The following PRSS21 variants were observed in gnomAD, a reference collection of about 807,000 sequenced individuals.
PRSS21 encodes the protein testisin.
Under a neutral mutation model 31.1 loss-of-function variants are expected in PRSS21, and 40 were observed. The observed-to-expected ratio is 1.29, with a 90% CI of 1.00 to 1.68. The LOEUF is 1.68. Among genes scored for constraint, PRSS21 ranks in the 40% most tolerant of loss-of-function variants. The probability of loss-of-function intolerance (pLI) is 0.00; values close to 1 mark genes in which losing one functional copy is unlikely to be tolerated. For synonymous variants in PRSS21, 186 were observed against 167.7 expected, an observed-to-expected ratio of 1.11 and a Z score of -0.84; for missense variants, 467 against 412.6, an observed-to-expected ratio of 1.13 and a Z score of -1.14.
Position 2,817,936 on chromosome 16 carries a change from G to A in PRSS21, c.227G>A (p.Trp76Ter). The change falls in exon 3 of 6, where the codon TGG (tryptophan) becomes TAG (stop). Residue 76 changes from tryptophan (W) to a stop codon, truncating the protein, a stop_gained. Coordinates refer to ENST00000005995, the MANE Select transcript of PRSS21 (RefSeq NM_006799.4). LOFTEE classifies it high-confidence loss of function. The surrounding 1 kb of genome is among the most constrained non-coding windows in gnomAD (Gnocchi z 4.2). ...GGAGTGAGCCTGCTCAGCCACCGCT[G>A]GGCACTCACGGCGGCGCACTGCTTT... is the stretch of plus-strand genomic sequence containing the variant. ...VCGVSLLSHR[W>*]ALTAAHCFET... 1 of 1,549,466 alleles carries A rather than the reference G, an allele frequency of 6.5e-7. No individual in the cohort carries two copies. The highest frequency in any genetic ancestry group is 8.7e-7 in the Non-Finnish European group (1 of 1,146,856).
At position 2,817,290 on chromosome 16, in the gene PRSS21, C is replaced by G; in HGVS notation, c.22C>G (p.Leu8Val). MGARGAL[L>V]LALLLARAGL... ...GGCCATGGGCGCGCGCGGGGCGCTGCTGCTGGCGCTGCTGCTGGCTCGGGC... is the reference window on the plus strand; with the variant it reads ...GGCCATGGGCGCGCGCGGGGCGCTGGTGCTGGCGCTGCTGCTGGCTCGGGC... Residue 8 changes from leucine (L) to valine (V), a missense_variant, in exon 1 of 6, where the codon CTG becomes GTG. Leu to Val is a conservative substitution (Grantham distance 32, BLOSUM62 1). Transcript: ENST00000005995. The surrounding 1 kb of genome is among the most constrained non-coding windows in gnomAD (Gnocchi z 4.2). The G allele has an allele frequency of 3.3e-6, 5 of 1,537,688 alleles. No individual in the cohort carries two copies. In the Admixed American group the frequency reaches 5.9e-5, roughly 18 times the overall value.
chr16:2,819,033 C>A, intron 4 of PRSS21, 64 bp downstream of exon 4: 1 of 1,560,598 alleles, frequency 6.4e-7, no homozygotes, highest in Non-Finnish European at 8.7e-7. Context: ...CCTGCATAGG[C>A]ACAATAGCCC....
Position 2,817,756 on chromosome 16 carries a change from G to C in PRSS21, c.92-45G>C, listed in dbSNP as rs766825069. ...GGGGAGAAAGGGAGAGGTCGGGCTTGGGGGGCTGCCTCCCGCGGCTCAGCA... is the reference window on the plus strand; with the variant it reads ...GGGGAGAAAGGGAGAGGTCGGGCTTCGGGGGCTGCCTCCCGCGGCTCAGCA... On this transcript the variant is annotated intron_variant, in intron 2 of 5. Coordinates refer to ENST00000005995, the MANE Select transcript of PRSS21 (RefSeq NM_006799.4). The surrounding 1 kb of genome is among the most constrained non-coding windows in gnomAD (Gnocchi z 4.2). 4 of 1,537,120 alleles carry C rather than the reference G, an allele frequency of 2.6e-6. No homozygotes were observed. The highest frequency in any genetic ancestry group is 2.5e-5 in the East Asian group (1 of 40,696).
intron 3 of PRSS21, among the ~76,000 whole-genome samples, chr16:2,818,391 C>G (rs2074908): frequency 0.045 from 6,819 of 152,198 alleles, 369 homozygotes; most frequent in African/African-American, 0.12. Flanking sequence ...TGGTGCATCT[C>G]CCCATTCCTC....
In PRSS21 at chr16:2,817,282, GGGCGCTGCTGCT is replaced by G. The variant is rs758576881; in HGVS notation, c.30_41del (p.Leu11_Ala14del). Reference sequence around the variant, plus strand: ...GGAGAGGAGGCCATGGGCGCGCGCGGGGCGCTGCTGCTGGCGCTGCTGCTGGCTCGGGCTGGA... The same window carrying G: ...GGAGAGGAGGCCATGGGCGCGCGCGGGGCGCTGCTGCTGGCTCGGGCTGGA... On this transcript the variant is annotated inframe_deletion, in exon 1 of 6. Transcript: ENST00000005995. The surrounding 1 kb of genome is among the most constrained non-coding windows in gnomAD (Gnocchi z 4.2). The G allele has an allele frequency of 3.4e-4, 528 of 1,536,654 alleles. 3 individuals carry two copies. Among genetic ancestry groups the G allele is most frequent in the South Asian group, 3.0e-3 (253 of 84,448 alleles).
In PRSS21 at chr16:2,818,822, C is replaced by A. The variant is rs2069124142; in HGVS notation, c.403C>A (p.Pro135Thr). 5.6e-6 allele frequency: 9 copies of A among 1,613,752 alleles called. No homozygotes were observed. Among genetic ancestry groups the A allele is most frequent in the Non-Finnish European group, 7.6e-6 (9 of 1,179,736 alleles). Residue 135 changes from proline to threonine, a missense_variant, in exon 4 of 6, where the codon CCC becomes ACC. Pro to Thr is a conservative substitution (Grantham distance 38, BLOSUM62 -1). Coordinates refer to ENST00000005995, the MANE Select transcript of PRSS21 (RefSeq NM_006799.4). ...GAGCCCTCGCTACCTGGGGAATTCA[C>A]CCTATGACATTGCCTTGGTGAAGCT... ...YLSPRYLGNS[P>T]YDIALVKLSA...
In PRSS21 at chr16:2,818,855, C is replaced by T. The variant is rs760374335; in HGVS notation, c.436C>T (p.Pro146Ser). ...YDIALVKLSA[P>S]VTYTKHIQPI... ...CATTGCCTTGGTGAAGCTGTCTGCA[C>T]CTGTCACCTACACTAAACACATCCA... The change falls in exon 4 of 6, where the codon CCT becomes TCT. Residue 146 changes from proline to serine, a missense_variant. By Grantham distance (74) the Pro-to-Ser change is moderately conservative. Coordinates refer to ENST00000005995, the MANE Select transcript of PRSS21 (RefSeq NM_006799.4). 7.4e-6 allele frequency: 12 copies of T among 1,613,890 alleles called. No homozygotes were observed. The highest frequency in any genetic ancestry group is 4.0e-5 in the African/African-American group (3 of 74,912).
chr16:2,821,370 A>G lies in PRSS21; in HGVS notation c.710A>G (p.Asp237Gly), dbSNP rs781375011. Residue 237 changes from aspartate (D) to glycine (G), a missense_variant, in exon 6 of 6, where the codon GAC becomes GGC. Asp to Gly is a moderately conservative substitution (Grantham distance 94). Transcript: ENST00000005995. The part of the protein sequence containing the change: ...AQGGKDACFG[D>G]SGGPLACNKN... ...CTCAGCCCCGCTGCTCCCCAGGGTG[A>G]CTCAGGTGGACCCTTGGCCTGTAAC... 2 of 1,614,038 alleles carry G rather than the reference A, an allele frequency of 1.2e-6. No homozygotes were observed. Among genetic ancestry groups the G allele is most frequent in the Non-Finnish European group, 1.7e-6 (2 of 1,179,974 alleles).
intron 4 of PRSS21, among the ~76,000 whole-genome samples, chr16:2,819,431 C>T (rs367644627): frequency 7.2e-5 from 11 of 152,310 alleles, no homozygotes; most frequent in East Asian, 5.8e-4. Flanking sequence ...GCAGCTCCCA[C>T]GGAAACCCCT....
At position 2,817,713 on chromosome 16, in the gene PRSS21, T is replaced by C; in HGVS notation, c.92-88T>C. The stretch of plus-strand genomic sequence containing the variant: ...GACCCTGGGTGGGCAAAAACGTGCT[T>C]TCCCGGACGGGGTTGAAGGGGAGAA... On this transcript the variant is annotated intron_variant, in intron 2 of 5. Transcript: ENST00000005995. The surrounding 1 kb of genome is among the most constrained non-coding windows in gnomAD (Gnocchi z 4.2). 6.7e-7 allele frequency: 1 copy of C among 1,485,694 alleles called. No homozygotes were observed. Among genetic ancestry groups the C allele is most frequent in the Non-Finnish European group, 9.0e-7 (1 of 1,111,038 alleles). The allele number at this position is 1,485,694 out of a possible 1,614,324, so 92.0% of individuals were successfully genotyped here. A position where few individuals can be genotyped will look rare whatever the true frequency, so the allele number is the denominator to read the frequency against.
chr16:2,820,289 C>G (rs141417449), intron 4 of PRSS21, among the ~76,000 whole-genome samples: 1 of 152,226 alleles, frequency 6.6e-6, no homozygotes, highest in Non-Finnish European at 1.5e-5. Flanking sequence ...GCCCCGCTGA[C>G]GGGAAGCGCT....
Position 2,817,484 on chromosome 16 carries a change from GC to G in PRSS21, c.91+30del. 1 of 1,537,448 alleles carries G rather than the reference GC, an allele frequency of 6.5e-7. No homozygotes were observed. The highest frequency in any genetic ancestry group is 1.1e-5 in the South Asian group (1 of 87,166). ...AGGGCGCCCAGGACGCGCGATTCCT[GC>G]CAGGGCCGTTGGGCCGAGGTGGACG... On this transcript the variant is annotated intron_variant, in intron 2 of 5. Transcript: ENST00000005995. The surrounding 1 kb of genome is among the most constrained non-coding windows in gnomAD (Gnocchi z 4.2).
At chr16:2,818,998 G>A in intron 4 of PRSS21, 29 bp downstream of exon 4, 1 of 1,608,600 alleles carries the variant, frequency 6.2e-7, no homozygotes, top group Non-Finnish European at 8.5e-7. Context: ...GGGTCAGGGA[G>A]GAACTGTCTT....
In PRSS21 at chr16:2,817,287, C is replaced by G. The variant is rs749102296; in HGVS notation, c.19C>G (p.Leu7Val). Reference sequence around the variant, plus strand: ...GGAGGCCATGGGCGCGCGCGGGGCGCTGCTGCTGGCGCTGCTGCTGGCTCG... The same window carrying G: ...GGAGGCCATGGGCGCGCGCGGGGCGGTGCTGCTGGCGCTGCTGCTGGCTCG... MGARGA[L>V]LLALLLARAG... Residue 7 changes from leucine to valine, a missense_variant, in exon 1 of 6, where the codon CTG becomes GTG. Physicochemically the swap from Leu to Val is conservative, Grantham distance 32. Transcript: ENST00000005995. This position sits in a 1 kb window ranked among gnomAD's most constrained non-coding sequence, Gnocchi z 4.2. 2.0e-6 allele frequency: 3 copies of G among 1,534,182 alleles called. No individual in the cohort carries two copies. Among genetic ancestry groups the G allele is most frequent in the South Asian group, 2.4e-5 (2 of 84,178 alleles).
chr16:2,817,808 C>A lies in PRSS21; in HGVS notation c.99C>A (p.Cys33Ter), dbSNP rs1212714453. ...TTCCTCTGACCATCCGAGGACCATG[C>A]GGCCGACGGGTCATCACGTCGCGCA... Reference protein sequence around the residue: ...SQEAAPLSGPCGRRVITSRIV... With the variant: ...SQEAAPLSGP The change falls in exon 3 of 6, where the codon TGC becomes TGA. Residue 33 changes from cysteine to a stop codon, truncating the protein, a stop_gained. Transcript: ENST00000005995. LOFTEE classifies it high-confidence loss of function. The surrounding 1 kb of genome is among the most constrained non-coding windows in gnomAD (Gnocchi z 4.2). 9 of 1,549,558 alleles carry A rather than the reference C, an allele frequency of 5.8e-6. No homozygotes were observed. The highest frequency in any genetic ancestry group is 4.9e-5 in the East Asian group (2 of 40,962).
chr16:2,817,811 C>G lies in PRSS21; in HGVS notation c.102C>G (p.Gly34=). ...QEAAPLSGPC[G]RRVITSRIVG... is the part of the protein sequence containing the mutation. ...CTCTGACCATCCGAGGACCATGCGG[C>G]CGACGGGTCATCACGTCGCGCATCG... The change falls in exon 3 of 6, where the codon GGC becomes GGG. Residue 34 remains glycine, a synonymous_variant. Coordinates refer to ENST00000005995, the MANE Select transcript of PRSS21 (RefSeq NM_006799.4). The surrounding 1 kb of genome is among the most constrained non-coding windows in gnomAD (Gnocchi z 4.2). 6.5e-7 allele frequency: 1 copy of G among 1,550,032 alleles called. No homozygotes were observed. Among genetic ancestry groups the G allele is most frequent in the Non-Finnish European group, 8.7e-7 (1 of 1,146,984 alleles).
In PRSS21 at chr16:2,818,707, G is replaced by C; in HGVS notation, c.288G>C (p.Trp96Cys). ...GTGACCTTAGTGATCCCTCCGGGTG[G>C]ATGGTCCAGTTTGGCCAGCTGACTT... ...TYSDLSDPSG[W>C]MVQFGQLTSM... is the part of the protein sequence containing the mutation. Residue 96 changes from tryptophan to cysteine, a missense_variant, in exon 4 of 6, where the codon TGG becomes TGC. Trp to Cys is a radical substitution (Grantham distance 215). Coordinates refer to ENST00000005995, the MANE Select transcript of PRSS21 (RefSeq NM_006799.4). The C allele has an allele frequency of 6.2e-7, 1 of 1,614,172 alleles. No homozygotes were observed. Among genetic ancestry groups the C allele is most frequent in the Non-Finnish European group, 8.5e-7 (1 of 1,180,022 alleles).
intron 3 of PRSS21, 89 bp from the exon 4 acceptor site, chr16:2,818,588 C>A: frequency 7.5e-7 from 1 of 1,341,730 alleles, no homozygotes; most frequent in Non-Finnish European, 1.0e-6. Context: ...AGCAACACCA[C>A]AGTTTCCCCT....
At position 2,817,591 on chromosome 16, in the gene PRSS21, A is replaced by G; in HGVS notation, c.91+135A>G. On this transcript the variant is annotated intron_variant, in intron 2 of 5. Coordinates refer to ENST00000005995, the MANE Select transcript of PRSS21 (RefSeq NM_006799.4). The surrounding 1 kb of genome is among the most constrained non-coding windows in gnomAD (Gnocchi z 4.2). ...GGATCGAGAACTCTGTTGGCGTGGA[A>G]AGTAACTAACGGACGCTGGAGGGGG... 1 of 1,381,096 alleles carries G rather than the reference A, an allele frequency of 7.2e-7. No homozygotes were observed. 85.6% of individuals were successfully genotyped at this position (1,381,096 alleles called of 1,614,324 possible). A position where few individuals can be genotyped will look rare whatever the true frequency, so the allele number is the denominator to read the frequency against.
Sources: gnomAD v4.1 joint callset for allele counts (sites outside exome capture counted in the v4.1 genomes callset) on GRCh38, gnomAD v4.1.1 for gene constraint, Gnocchi (gnomAD v3.1) non-coding constraint, MANE v1.5 for transcripts, NCBI Gene and HGNC (gene_info 2026-07-23, HGNC 2026-07-21) for gene names.